EEF1AKMT3: variants seen among roughly 807,000 people sequenced by gnomAD.
EEF1AKMT3 encodes eEF1A-KMT3.
Under a neutral mutation model 17.8 loss-of-function variants are expected in EEF1AKMT3, and 17 were observed. That is an observed-to-expected ratio of 0.96 (90% CI 0.65 to 1.43). EEF1AKMT3 has a LOEUF of 1.43. EEF1AKMT3 is among the 40% of genes most tolerant of loss of function. The pLI is 0.00. For missense variants in EEF1AKMT3, 244 were observed against 285.8 expected, an observed-to-expected ratio of 0.85 and a Z score of 1.06; for synonymous variants, 116 against 126.5, an observed-to-expected ratio of 0.92 and a Z score of 0.56.
Position 57,773,652 on chromosome 12 carries a change from C to G in EEF1AKMT3, c.289+524C>G, listed in dbSNP as rs1296935834. On this transcript the variant is annotated intron_variant, in intron 2 of 2. Coordinates refer to ENST00000300209, the MANE Select transcript of EEF1AKMT3 (RefSeq NM_015433.3). ...TGTTGGCCAGGCTGGTCTCGAACTC[C>G]TGACCTCAGGTGATCCATCTGCCTC... Among the ~76,000 whole-genome samples the G allele has an allele frequency of 2.0e-5, 3 of 152,146 alleles. No homozygotes were observed. The East Asian group carries it at 5.8e-4, about 29-fold the overall frequency.
At chr12:57,774,346 G>T (rs892547678) in intron 2 of EEF1AKMT3, among the ~76,000 whole-genome samples, 2 of 152,158 alleles carry the variant, frequency 1.3e-5, no homozygotes, top group Admixed American at 1.3e-4. Context: ...CGAGCATGAT[G>T]GCTTATGCCT....
intron 2 of EEF1AKMT3, among the ~76,000 whole-genome samples, chr12:57,775,457 C>G (rs1441473045): frequency 1.3e-5 from 2 of 151,762 alleles, no homozygotes; most frequent in Non-Finnish European, 2.9e-5. Flanking sequence ...TCTCGGCTCA[C>G]CGCAACATCC....
chr12:57,778,858 G>A (rs1397504613), intron 2 of EEF1AKMT3, among the ~76,000 whole-genome samples: 2 of 151,988 alleles, frequency 1.3e-5, no homozygotes, highest in Non-Finnish European at 2.9e-5. Flanking sequence ...ATGCCAGCGT[G>A]TGCCATTCTT....
At chr12:57,773,237 C>A in intron 2 of EEF1AKMT3, 109 bp downstream of exon 2, 1 of 1,021,424 alleles carries the variant, frequency 9.8e-7, no homozygotes, top group Non-Finnish European at 1.5e-6. Flanking sequence ...CCAGTCTAAC[C>A]CCTTCTTTTT....
In EEF1AKMT3 at chr12:57,780,874, C is replaced by T. The variant is rs892414100; in HGVS notation, c.*228C>T. On this transcript the variant is annotated 3_prime_UTR_variant, in exon 3 of 3. Coordinates refer to ENST00000300209, the MANE Select transcript of EEF1AKMT3 (RefSeq NM_015433.3). ...TCTGGCAGCACTAGTGTTAGAACAC[C>T]AAGGAGGTTCCTGGCTCCTGTTCTC... 1.2e-5 allele frequency: 7 copies of T among 587,882 alleles called. No homozygotes were observed. The highest frequency in any genetic ancestry group is 5.6e-5 in the African/African-American group (3 of 53,644). 36.4% of individuals were successfully genotyped at this position (587,882 alleles called of 1,614,324 possible). A position where few individuals can be genotyped will look rare whatever the true frequency, so the allele number is the denominator to read the frequency against.
chr12:57,776,058 C>CTAGT (rs1485756645), intron 2 of EEF1AKMT3, among the ~76,000 whole-genome samples: 1 of 152,228 alleles, frequency 6.6e-6, no homozygotes, highest in African/African-American at 2.4e-5. Context: ...GCCCTTCCAC[C>CTAGT]TAGTGGTCAG....
chr12:57,776,908 C>T (rs1489079790), intron 2 of EEF1AKMT3, among the ~76,000 whole-genome samples: 1 of 152,164 alleles, frequency 6.6e-6, no homozygotes, highest in Non-Finnish European at 1.5e-5. Flanking sequence ...GCCTTGGCCT[C>T]CCAAGGTGCT....
At chr12:57,774,672 A>G in intron 2 of EEF1AKMT3, 2 of 1,607,518 alleles carry the variant, frequency 1.2e-6, no homozygotes, top group Non-Finnish European at 1.7e-6. Flanking sequence ...ATGTCATAGA[A>G]CAAGAACTCT....
In EEF1AKMT3 at chr12:57,778,293, C is replaced by CATTTTTTTTTTTTTTT. The variant is rs1955492337; in HGVS notation, c.290-1962_290-1961insATTTTTTTTTTTTTTT. Among the ~76,000 whole-genome samples, 5 of 43,994 alleles carry CATTTTTTTTTTTTTTT rather than the reference C, an allele frequency of 1.1e-4. 1 individual carries two copies. The highest frequency in any genetic ancestry group is 1.9e-4 in the Non-Finnish European group (5 of 25,678). 28.9% of individuals were successfully genotyped at this position (43,994 alleles called of 152,430 possible). A position where few individuals can be genotyped will look rare whatever the true frequency, so the allele number is the denominator to read the frequency against. The stretch of plus-strand genomic sequence containing the variant: ...CCAAACACCCAGAAACCATCCTGAG[C>CATTTTTTTTTTTTTTT]TTTTTTTTTTTTTTTGAGACAGGTT... On this transcript the variant is annotated intron_variant, in intron 2 of 2. Coordinates refer to ENST00000300209, the MANE Select transcript of EEF1AKMT3 (RefSeq NM_015433.3).
chr12:57,780,708 C>A lies in EEF1AKMT3; in HGVS notation c.*62C>A, dbSNP rs1246189576. 1.3e-6 allele frequency: 2 copies of A among 1,576,022 alleles called. No homozygotes were observed. Among genetic ancestry groups the A allele is most frequent in the Admixed American group, 3.7e-5 (2 of 53,668 alleles). On this transcript the variant is annotated 3_prime_UTR_variant, in exon 3 of 3. Coordinates refer to ENST00000300209, the MANE Select transcript of EEF1AKMT3 (RefSeq NM_015433.3). ...ATGAAGGAACTGTGTATCTCAAAAA[C>A]CATATTTCCAGAGCCACAAACATGA...
chr12:57,772,896 G>A lies in EEF1AKMT3; in HGVS notation c.172G>A (p.Asp58Asn), dbSNP rs1205235882. 6.2e-7 allele frequency: 1 copy of A among 1,613,882 alleles called. No individual in the cohort carries two copies. The highest frequency in any genetic ancestry group is 8.5e-7 in the Non-Finnish European group (1 of 1,179,922). The change falls in exon 1 of 3, where the codon GAC becomes AAC. Residue 58 changes from aspartate to asparagine, a missense_variant. Transcript: ENST00000300209. This position sits in a 1 kb window ranked among gnomAD's most constrained non-coding sequence, Gnocchi z 4.1. The stretch of plus-strand genomic sequence containing the variant: ...CCTCGGGGTGGCGGCGCGCGTGTGG[G>A]ACGCGGTGAGGAATGGGCTGCGCCG... Reference protein sequence around the residue: ...SRLGVAARVWDAALSLCNYFE... With the variant: ...SRLGVAARVWNAALSLCNYFE...
rs980947479 is a variant in EEF1AKMT3, at chr12:57,781,870, T to C, written c.*1224T>C. On this transcript the variant is annotated 3_prime_UTR_variant, in exon 3 of 3. Coordinates refer to ENST00000300209, the MANE Select transcript of EEF1AKMT3 (RefSeq NM_015433.3). ...CTCCTTCAGTCCATTCCGCAAACTC[T>C]TGTGATCTTCCAAAATTAGCTCTGA... is the stretch of plus-strand genomic sequence containing the variant. 8 of 152,238 alleles carry C rather than the reference T, an allele frequency of 5.3e-5. No individual in the cohort carries two copies. Among genetic ancestry groups the C allele is most frequent in the Admixed American group, 1.3e-4 (2 of 15,264 alleles). The allele number at this position is 152,238 out of a possible 1,614,324, so 9.4% of individuals were successfully genotyped here. A position where few individuals can be genotyped will look rare whatever the true frequency, so the allele number is the denominator to read the frequency against.
rs967066733 is a variant in EEF1AKMT3 at position 57,780,936 on chromosome 12, G to C, written c.*290G>C. On this transcript the variant is annotated 3_prime_UTR_variant, in exon 3 of 3. Transcript: ENST00000300209. Reference sequence around the variant, plus strand: ...ATGGTAAGGTATCCAGGATTTTTAGGGGGTAAGGGAGATATATGGGATGTG... The same window carrying C: ...ATGGTAAGGTATCCAGGATTTTTAGCGGGTAAGGGAGATATATGGGATGTG... The C allele has an allele frequency of 1.5e-5, 7 of 482,542 alleles. No homozygotes were observed. The highest frequency in any genetic ancestry group is 2.4e-5 in the South Asian group (1 of 41,276). The allele number at this position is 482,542 out of a possible 1,614,324, so 29.9% of individuals were successfully genotyped here. A position where few individuals can be genotyped will look rare whatever the true frequency, so the allele number is the denominator to read the frequency against.
At chr12:57,773,904 C>A (rs1397029350) in intron 2 of EEF1AKMT3, among the ~76,000 whole-genome samples, 1 of 152,128 alleles carries the variant, frequency 6.6e-6, no homozygotes, top group Non-Finnish European at 1.5e-5. Flanking sequence ...GTTTTTATTG[C>A]TAAGAGAAAC....
rs755501552 is a variant in EEF1AKMT3 at position 57,782,334 on chromosome 12, GT to G, written c.*1690del. The G allele has an allele frequency of 8.0e-5, 13 of 163,350 alleles. No homozygotes were observed. The highest frequency in any genetic ancestry group is 1.1e-4 in the Non-Finnish European group (8 of 74,126). The allele number at this position is 163,350 out of a possible 1,614,324, so 10.1% of individuals were successfully genotyped here. ...GTCTAAACCCCTGAAGCCTAACACA[GT>G]TCCTGGCACACAACAGGTGTTCAAC... On this transcript the variant is annotated 3_prime_UTR_variant, in exon 3 of 3. Transcript: ENST00000300209.
intron 2 of EEF1AKMT3, among the ~76,000 whole-genome samples, chr12:57,773,623 A>C (rs1955461020): frequency 6.6e-6 from 1 of 152,006 alleles, no homozygotes; most frequent in Non-Finnish European, 1.5e-5. Flanking sequence ...AAGACGTTTC[A>C]CCATGTTGGC....
intron 2 of EEF1AKMT3, among the ~76,000 whole-genome samples, chr12:57,773,797 A>G (rs1955462560): frequency 6.6e-6 from 1 of 152,212 alleles, no homozygotes; most frequent in Admixed American, 6.5e-5. Flanking sequence ...TCTTCTGTCA[A>G]GATGCACATA....
intron 2 of EEF1AKMT3, among the ~76,000 whole-genome samples, chr12:57,777,951 G>A (rs1026643926): frequency 6.6e-6 from 1 of 151,190 alleles, no homozygotes; most frequent in Non-Finnish European, 1.5e-5. Context: ...CCTGGGAGGC[G>A]GAGGTTGCAA....
chr12:57,780,329 G>A lies in EEF1AKMT3; in HGVS notation c.364G>A (p.Ala122Thr). 6.2e-7 allele frequency: 1 copy of A among 1,614,196 alleles called. No homozygotes were observed. Among genetic ancestry groups the A allele is most frequent in the East Asian group, 2.2e-5 (1 of 44,888 alleles). ...GGGCAACGTCCAGGCCAATGTGCCAGCTGGAGGCCAGGCCCAGGTGCGTGC... is the reference window on the plus strand; with the variant it reads ...GGGCAACGTCCAGGCCAATGTGCCAACTGGAGGCCAGGCCCAGGTGCGTGC... ...IQGNVQANVP[A>T]GGQAQVRALS... The change falls in exon 3 of 3, where the codon GCT (alanine) becomes ACT (threonine). Residue 122 changes from alanine (A) to threonine (T), a missense_variant. Coordinates refer to ENST00000300209, the MANE Select transcript of EEF1AKMT3 (RefSeq NM_015433.3).
Sources: allele counts gnomAD v4.1 joint callset (sites outside exome capture counted in the v4.1 genomes callset), GRCh38; gene constraint gnomAD v4.1.1; non-coding constraint Gnocchi (gnomAD v3.1); transcripts MANE v1.5; gene names NCBI Gene and HGNC (gene_info 2026-07-23, HGNC 2026-07-21).